NUDC: variants seen among roughly 807,000 people sequenced by gnomAD.
The protein encoded by NUDC is nuclear migration protein nudC.
In NUDC, 14 loss-of-function variants were observed where a neutral mutation model predicts 45.0. That is an observed-to-expected ratio of 0.31 (90% CI 0.21 to 0.49). The LOEUF (loss-of-function observed/expected upper bound fraction) is 0.49, where lower values mean the gene tolerates loss of function less well. NUDC is among the 20% of genes least tolerant of loss of function. The probability of loss-of-function intolerance (pLI) is 0.99; values close to 1 mark genes in which losing one functional copy is unlikely to be tolerated. For missense variants in NUDC, 323 were observed against 426.2 expected (o/e 0.76, Z 2.13); for synonymous variants, 153 against 156.7 (o/e 0.98, Z 0.17).
At chr1:26,914,308 C>T (rs987919830) in intron 3 of NUDC, among the ~76,000 whole-genome samples, 4 of 152,186 alleles carry the variant, frequency 2.6e-5, no homozygotes, top group East Asian at 3.8e-4. Flanking sequence ...CAGCAGGTGT[C>T]CCCATTGGTG....
At chr1:26,900,541 T>A (rs184835047) in intron 1 of NUDC, 7 of 966,240 alleles carry the variant, frequency 7.2e-6, no homozygotes, top group Non-Finnish European at 1.1e-5. Flanking sequence ...TTCTAACTAG[T>A]CCTTTGGGAT....
chr1:26,908,665 C>T (rs1195863022), intron 2 of NUDC, among the ~76,000 whole-genome samples: 3 of 151,812 alleles, frequency 2.0e-5, no homozygotes, highest in Non-Finnish European at 4.4e-5. Context: ...TCAAGTGATC[C>T]TCCCACTTCA....
intron 1 of NUDC, among the ~76,000 whole-genome samples, chr1:26,901,397 C>CTTTTTTTTTTTTT (rs34988488): frequency 2.7e-5 from 2 of 73,622 alleles, no homozygotes; most frequent in African/African-American, 5.7e-5. Flanking sequence ...GCCTTTTTGT[C>CTTTTTTTTTTTTT]TTTTTTTTTT....
chr1:26,921,742 T>G, upstream of NUDC: 1 of 1,244,102 alleles, frequency 8.0e-7, no homozygotes, highest in Non-Finnish European at 1.1e-6. Context: ...CCGGCTCCGC[T>G]GCGGAAGGCG....
At chr1:26,907,851 A>G (rs1484748659) in intron 2 of NUDC, among the ~76,000 whole-genome samples, 1 of 152,286 alleles carries the variant, frequency 6.6e-6, no homozygotes, top group East Asian at 1.9e-4. Context: ...TGCTGCTGAC[A>G]AGAACCCTCC....
chr1:26,903,626 G>A (rs2081989970), intron 2 of NUDC, among the ~76,000 whole-genome samples: 1 of 152,154 alleles, frequency 6.6e-6, no homozygotes, highest in Non-Finnish European at 1.5e-5. Context: ...CCATCGCTTT[G>A]AGAGGCCGAG....
At chr1:26,930,226 A>G (rs2082169311) in intron 2 of NUDC, among the ~76,000 whole-genome samples, 1 of 152,156 alleles carries the variant, frequency 6.6e-6, no homozygotes, top group Non-Finnish European at 1.5e-5. Flanking sequence ...GATGGTGTCC[A>G]GTAGTGCGAT....
intron 1 of NUDC, among the ~76,000 whole-genome samples, chr1:26,922,790 TC>T (rs1291580829): frequency 6.6e-6 from 1 of 152,216 alleles, no homozygotes; most frequent in Non-Finnish European, 1.5e-5. Flanking sequence ...CATTGAACTT[TC>T]TATTCCTATG....
chr1:26,909,715 C>A (rs1474000029), intron 2 of NUDC, among the ~76,000 whole-genome samples: 2 of 151,954 alleles, frequency 1.3e-5, no homozygotes, highest in African/African-American at 2.4e-5. Flanking sequence ...AAAGAGTGGT[C>A]TCATGTGTCT....
intron 2 of NUDC, among the ~76,000 whole-genome samples, chr1:26,909,384 C>G (rs1337502265): frequency 6.6e-6 from 1 of 152,088 alleles, no homozygotes; most frequent in Non-Finnish European, 1.5e-5. Flanking sequence ...TCCCAAAGTG[C>G]TGGGATGACA....
chr1:26,911,744 G>C (rs41303639), intron 3 of NUDC: 94,768 of 1,408,634 alleles, frequency 0.067, 3,410 homozygotes, highest in Non-Finnish European at 0.074. Flanking sequence ...GTCTATACAG[G>C]CTTGCCCCCT....
rs908279880 is a variant in NUDC, at chr1:26,946,303, C to T, written c.*122C>T. 12 of 860,644 alleles carry T rather than the reference C, an allele frequency of 1.4e-5. No homozygotes were observed. Among genetic ancestry groups the T allele is most frequent in the Admixed American group, 9.0e-5 (5 of 55,334 alleles). The allele number at this position is 860,644 out of a possible 1,614,324, so 53.3% of individuals were successfully genotyped here. The stretch of plus-strand genomic sequence containing the variant: ...GGCAGGCATGGGACTGGCCCAGGCA[C>T]ACAGGTCCCGGGGCATCAGGAGAAA... On this transcript the variant is annotated 3_prime_UTR_variant, in exon 9 of 9. Transcript: ENST00000321265.
intron 8 of NUDC, 120 bp from the exon 9 acceptor site, chr1:26,946,010 C>T (rs941015574): frequency 1.9e-5 from 19 of 996,826 alleles, no homozygotes; most frequent in Non-Finnish European, 3.1e-5. Flanking sequence ...CCTGCTCCTG[C>T]CCAGCCTGGC....
intron 3 of NUDC, among the ~76,000 whole-genome samples, chr1:26,915,293 C>CAG (rs1430066748): frequency 6.6e-6 from 1 of 152,186 alleles, no homozygotes; most frequent in Non-Finnish European, 1.5e-5. Context: ...CCCAATTGCA[C>CAG]AGCCAGAGCC....
At chr1:26,927,949 C>A (rs963083783) in intron 2 of NUDC, among the ~76,000 whole-genome samples, 1 of 152,090 alleles carries the variant, frequency 6.6e-6, no homozygotes, top group African/African-American at 2.4e-5. Flanking sequence ...ATATATATAT[C>A]AATATACATA....
At chr1:26,919,526 T>C (rs2082078880), upstream of NUDC, among the ~76,000 whole-genome samples, 2 of 152,224 alleles carry the variant, frequency 1.3e-5, no homozygotes, top group African/African-American at 4.8e-5. Flanking sequence ...CCAGTTGTCC[T>C]GGGAATCATT....
intron 2 of NUDC, among the ~76,000 whole-genome samples, chr1:26,930,810 A>C (rs894002204): frequency 2.0e-5 from 3 of 151,708 alleles, no homozygotes; most frequent in Admixed American, 6.6e-5. Flanking sequence ...TGAGGTCAGG[A>C]GTTTGAGACC....
chr1:26,944,816 A>C (rs2082306009), intron 6 of NUDC, among the ~76,000 whole-genome samples: 1 of 151,508 alleles, frequency 6.6e-6, no homozygotes, highest in Admixed American at 6.6e-5. Context: ...TGAGGCAGGC[A>C]GATCATCTGA....
intron 2 of NUDC, among the ~76,000 whole-genome samples, chr1:26,934,677 TGA>T (rs1317972839): frequency 4.6e-5 from 7 of 151,766 alleles, no homozygotes; most frequent in Non-Finnish European, 7.4e-5. Flanking sequence ...TTTTTTTTTT[TGA>T]GATGGAGTCT....
Sources: allele counts gnomAD v4.1 joint callset (sites outside exome capture counted in the v4.1 genomes callset), GRCh38; gene constraint gnomAD v4.1.1; transcripts MANE v1.5; gene names NCBI Gene and HGNC (gene_info 2026-07-23, HGNC 2026-07-21).